Variants in PTPRN2 observed in about 807,000 individuals in gnomAD.
PTPRN2 encodes the protein receptor-type tyrosine-protein phosphatase N2.
A neutral mutation model predicts 118.8 loss-of-function variants in PTPRN2; 74 were observed. The ratio of observed to expected loss-of-function variants is 0.62; its 90% CI spans 0.52 to 0.76. The LOEUF (loss-of-function observed/expected upper bound fraction) is 0.76. Ranked by LOEUF, PTPRN2 falls within the 30% of genes least tolerant of loss-of-function variation. The pLI, the probability that PTPRN2 is intolerant of heterozygous loss-of-function variation, is 0.00. For synonymous variants in PTPRN2, 641 were observed against 608.0 expected, an observed-to-expected ratio of 1.05 and a Z score of -0.80; for missense variants, 1,481 against 1,394.4, an observed-to-expected ratio of 1.06 and a Z score of -0.99.
chr7:158,452,512 C>T (rs573563948), intron 2 of PTPRN2, among the ~76,000 whole-genome samples: 12 of 152,304 alleles, frequency 7.9e-5, no homozygotes, highest in East Asian at 3.9e-4. Flanking sequence ...GAGCACGCCA[C>T]GCACCTGCCC....
intron 3 of PTPRN2, among the ~76,000 whole-genome samples, chr7:158,210,173 T>C (rs1827488943): frequency 6.8e-6 from 1 of 146,124 alleles, no homozygotes; most frequent in Non-Finnish European, 1.5e-5. Flanking sequence ...TCTCGCTCTG[T>C]CGCCCAGGCT....
At chr7:158,502,648 C>T (rs181120898) in intron 1 of PTPRN2, among the ~76,000 whole-genome samples, 1 of 152,382 alleles carries the variant, frequency 6.6e-6, no homozygotes, top group East Asian at 1.9e-4. Flanking sequence ...GGTGGACACA[C>T]CCAAACCTGG....
At chr7:157,839,769 C>T (rs1808234043) in intron 12 of PTPRN2, among the ~76,000 whole-genome samples, 1 of 149,992 alleles carries the variant, frequency 6.7e-6, no homozygotes, top group African/African-American at 2.5e-5. Flanking sequence ...GTGTGCGTGA[C>T]TATGTAACCA....
At chr7:157,870,308 T>C (rs1810973053) in intron 12 of PTPRN2, among the ~76,000 whole-genome samples, 1 of 152,202 alleles carries the variant, frequency 6.6e-6, no homozygotes, top group Admixed American at 6.5e-5. Flanking sequence ...TCCTTGCAAA[T>C]TGATGAGGGG....
chr7:158,331,561 C>T (rs1200072934), intron 2 of PTPRN2, among the ~76,000 whole-genome samples: 24 of 133,024 alleles, frequency 1.8e-4, no homozygotes, highest in Non-Finnish European at 2.2e-4. Flanking sequence ...CACCCGCAGA[C>T]GTCACTCACA....
intron 5 of PTPRN2, among the ~76,000 whole-genome samples, chr7:158,175,015 G>A (rs1027555283): frequency 3.3e-5 from 5 of 152,224 alleles, no homozygotes; most frequent in African/African-American, 1.2e-4. Flanking sequence ...CTGACAGGAA[G>A]GCCTGGAGGT....
chr7:158,527,956 T>C (rs1214455114), intron 1 of PTPRN2, among the ~76,000 whole-genome samples: 1 of 152,134 alleles, frequency 6.6e-6, no homozygotes, highest in African/African-American at 2.4e-5. Context: ...GCTATGTCTG[T>C]TGGTTTAAAG....
intron 21 of PTPRN2, among the ~76,000 whole-genome samples, chr7:157,555,930 T>C (rs1185313920): frequency 6.6e-6 from 1 of 152,226 alleles, no homozygotes; most frequent in Non-Finnish European, 1.5e-5. Context: ...CAGGCTGCGA[T>C]GTTTCTGCTT....
intron 2 of PTPRN2, among the ~76,000 whole-genome samples, chr7:158,364,261 C>G (rs561505607): frequency 6.9e-6 from 1 of 145,890 alleles, no homozygotes; most frequent in South Asian, 2.2e-4. Context: ...GTCTGCAGAG[C>G]CCCCATCCTC....
intron 12 of PTPRN2, among the ~76,000 whole-genome samples, chr7:157,846,997 C>T (rs1271672172): frequency 1.3e-5 from 2 of 150,494 alleles, no homozygotes; most frequent in South Asian, 2.1e-4. Context: ...CATGTGTGGC[C>T]AATGTTTACA....
intron 11 of PTPRN2, among the ~76,000 whole-genome samples, chr7:157,959,532 G>C (rs1279736970): frequency 6.6e-6 from 1 of 152,208 alleles, no homozygotes; most frequent in African/African-American, 2.4e-5. Flanking sequence ...AGCAAGGATT[G>C]GAATAGACAT....
Position 158,154,704 on chromosome 7 carries a change from T to C in PTPRN2, c.910+12227A>G, listed in dbSNP as rs529772597. Among the ~76,000 whole-genome samples, 28 of 152,146 alleles carry C rather than the reference T, an allele frequency of 1.8e-4. 1 individual carries two copies. Among genetic ancestry groups the C allele is most frequent in the African/African-American group, 6.5e-4 (27 of 41,538 alleles). On this transcript the variant is annotated intron_variant, in intron 6 of 22. Transcript: ENST00000389418. ...CAATTCCAAAAACTACTTCCCCTCA[T>C]CTGAAAAAGAAACTTTTTAGGTTAT...
chr7:158,255,955 T>A (rs1796995931), intron 3 of PTPRN2, among the ~76,000 whole-genome samples: 2 of 152,200 alleles, frequency 1.3e-5, no homozygotes, highest in Admixed American at 1.3e-4. Context: ...CAGAACTACC[T>A]CTGTCCTCAG....
chr7:158,462,744 T>A (rs1819097256), intron 2 of PTPRN2, among the ~76,000 whole-genome samples: 1 of 152,180 alleles, frequency 6.6e-6, no homozygotes, highest in South Asian at 2.1e-4. Context: ...ACAGGAAGGA[T>A]GTCCAGCTCA....
At chr7:157,829,054 C>T (rs1807375763) in intron 12 of PTPRN2, among the ~76,000 whole-genome samples, 1 of 152,256 alleles carries the variant, frequency 6.6e-6, no homozygotes, top group African/African-American at 2.4e-5. Flanking sequence ...TTCTTCCTTC[C>T]AGGACACGTC....
At chr7:158,149,054 A>G (rs1341040214) in intron 6 of PTPRN2, among the ~76,000 whole-genome samples, 4 of 119,778 alleles carry the variant, frequency 3.3e-5, no homozygotes, top group Non-Finnish European at 6.7e-5. Flanking sequence ...CTGACACCCC[A>G]TCTCATGCCA....
At chr7:158,321,470 G>A (rs902661938) in intron 2 of PTPRN2, among the ~76,000 whole-genome samples, 1 of 152,158 alleles carries the variant, frequency 6.6e-6, no homozygotes, top group Non-Finnish European at 1.5e-5. Flanking sequence ...GTCGAAGCCC[G>A]GACTGACCCG....
At chr7:158,505,895 G>A (rs1467069870) in intron 1 of PTPRN2, among the ~76,000 whole-genome samples, 1 of 152,220 alleles carries the variant, frequency 6.6e-6, no homozygotes, top group South Asian at 2.1e-4. Flanking sequence ...AATCCCAAGT[G>A]GTGGCTGTTA....
Position 157,785,036 on chromosome 7 carries a change from T to C in PTPRN2, c.1789-102099A>G, listed in dbSNP as rs1218532315. On this transcript the variant is annotated intron_variant, in intron 12 of 22. Transcript: ENST00000389418. This position sits in a 1 kb window ranked among gnomAD's most constrained non-coding sequence, Gnocchi z 7.3. ...TCTCTTCAGTTTCCATTTTTCCACT[T>C]GTAACGGCTGTTACAGCCGCTGTTT... is the stretch of plus-strand genomic sequence containing the variant. Among the ~76,000 whole-genome samples the C allele has an allele frequency of 5.3e-5, 8 of 152,132 alleles. No individual in the cohort carries two copies. In the East Asian group the frequency reaches 1.6e-3, roughly 30 times the overall value.
Sources: gnomAD v4.1 joint callset for allele counts (sites outside exome capture counted in the v4.1 genomes callset) on GRCh38, gnomAD v4.1.1 for gene constraint, Gnocchi (gnomAD v3.1) non-coding constraint, MANE v1.5 for transcripts, NCBI Gene and HGNC (gene_info 2026-07-23, HGNC 2026-07-21) for gene names.